Variants in DDX56 observed in about 807,000 individuals in gnomAD.
The protein encoded by DDX56 is probable ATP-dependent RNA helicase DDX56.
DDX56 carries 45 observed loss-of-function variants against 61.5 expected under a neutral mutation model. The observed-to-expected ratio is 0.73, with a 90% confidence interval of 0.58 to 0.94. DDX56 has a LOEUF of 0.94. Ranked by LOEUF, DDX56 falls within the 40% of genes least tolerant of loss-of-function variation. The pLI is 0.00. For missense variants in DDX56, 708 were observed against 690.7 expected (o/e 1.02, Z -0.28); for synonymous variants, 273 against 268.3 (o/e 1.02, Z -0.17).
chr7:44,572,807 T>C, intron 3 of DDX56, 63 bp from the exon 4 acceptor site: 1 of 1,606,060 alleles, frequency 6.2e-7, no homozygotes, highest in Non-Finnish European at 8.5e-7. Flanking sequence ...ACCCTGGATT[T>C]GCTCTCTTTT....
chr7:44,572,814 T>A (rs1260092992), intron 3 of DDX56, 70 bp from the exon 4 acceptor site: 1 of 1,603,444 alleles, frequency 6.2e-7, no homozygotes, highest in Non-Finnish European at 8.5e-7. Flanking sequence ...ATTTGCTCTC[T>A]TTTTTGCCAC....
intron 7 of DDX56, 127 bp downstream of exon 7, chr7:44,570,631 T>C: frequency 7.7e-7 from 1 of 1,295,976 alleles, no homozygotes; most frequent in Non-Finnish European, 1.1e-6. Context: ...TGGGGCTCTC[T>C]GGGCTACACT....
In DDX56 at chr7:44,573,043, G is replaced by A. The variant is rs748709769; in HGVS notation, c.230C>T (p.Pro77Leu). The A allele has an allele frequency of 3.8e-6, 6 of 1,578,480 alleles. No individual in the cohort carries two copies. The highest frequency in any genetic ancestry group is 1.2e-5 in the South Asian group (1 of 85,962). The change falls in exon 3 of 14, where the codon CCG (proline) becomes CTG (leucine). Residue 77 changes from proline (P) to leucine (L), a missense_variant. By Grantham distance (98) the Pro-to-Leu change is moderately conservative. Coordinates refer to ENST00000258772, the MANE Select transcript of DDX56 (RefSeq NM_019082.4). Reference sequence around the variant, plus strand: ...GCCTCTCACTGCCTGTTCTACCACCGGACCTGTCTGTAAGAATATGAATTA... The same window carrying A: ...GCCTCTCACTGCCTGTTCTACCACCAGACCTGTCTGTAAGAATATGAATTA... ...QLLLHRKATG[P>L]VVEQAVRGLV...
chr7:44,566,293 G>A (rs1390398278), intron 13 of DDX56, 155 bp downstream of exon 13: 2 of 794,976 alleles, frequency 2.5e-6, no homozygotes, highest in Non-Finnish European at 2.1e-6. Flanking sequence ...TCCCACACCA[G>A]ATTTTTGGGG....
intron 12 of DDX56, among the ~76,000 whole-genome samples, chr7:44,566,856 C>G (rs1018579719): frequency 1.3e-5 from 2 of 152,080 alleles, no homozygotes; most frequent in Admixed American, 1.3e-4. Flanking sequence ...TACAGGGGGC[C>G]CCGCATCCCA....
At position 44,572,447 on chromosome 7, in the gene DDX56, A is replaced by G; in HGVS notation, c.555-10T>C. 1 of 1,614,044 alleles carries G rather than the reference A, an allele frequency of 6.2e-7. No homozygotes were observed. The highest frequency in any genetic ancestry group is 8.5e-7 in the Non-Finnish European group (1 of 1,179,976). On this transcript the variant is annotated splice_polypyrimidine_tract_variant and intron_variant, in intron 4 of 13. Transcript: ENST00000258772. ...AATCCGGGGCAAGTGACTGAAATGA[A>G]AGAATCCAATCAGATTCCAGCTCCA... is the stretch of plus-strand genomic sequence containing the variant.
intron 12 of DDX56, among the ~76,000 whole-genome samples, chr7:44,567,400 C>T (rs979841971): frequency 5.3e-5 from 8 of 152,230 alleles, no homozygotes; most frequent in African/African-American, 1.9e-4. Context: ...CTCTCCACCA[C>T]TCTCCTCCTT....
chr7:44,569,038 C>T, intron 10 of DDX56, 46 bp from the exon 11 acceptor site: 1 of 1,611,800 alleles, frequency 6.2e-7, no homozygotes, highest in South Asian at 1.1e-5. Flanking sequence ...TGCCCCAAAT[C>T]CTCCCTTCAC....
In DDX56 at chr7:44,570,948, C is replaced by T. The variant is rs538830661; in HGVS notation, c.891-71G>A. On this transcript the variant is annotated intron_variant, in intron 6 of 13. Coordinates refer to ENST00000258772, the MANE Select transcript of DDX56 (RefSeq NM_019082.4). ...AAGGCCCCTCTGCCATCCCTAGTAT[C>T]ACAGTAACCATCACCCTTTCCTTTT... 12 of 1,533,318 alleles carry T rather than the reference C, an allele frequency of 7.8e-6. 1 individual carries two copies. In the South Asian group the frequency reaches 1.5e-4, roughly 19 times the overall value. The allele number at this position is 1,533,318 out of a possible 1,614,324, so 95.0% of individuals were successfully genotyped here. A position where few individuals can be genotyped will look rare whatever the true frequency, so the allele number is the denominator to read the frequency against.
rs1802516857 is a variant in DDX56, at chr7:44,565,916, G to A, written c.*86C>T. On this transcript the variant is annotated 3_prime_UTR_variant, in exon 14 of 14. Coordinates refer to ENST00000258772, the MANE Select transcript of DDX56 (RefSeq NM_019082.4). ...CCCCAGAACTGTCTGTTCAGGCTGT[G>A]CAGTAAGCACCAGAGCCTCGCCTGT... 9.6e-7 allele frequency: 1 copy of A among 1,045,034 alleles called. No homozygotes were observed. The highest frequency in any genetic ancestry group is 1.5e-6 in the Non-Finnish European group (1 of 678,940). The allele number at this position is 1,045,034 out of a possible 1,614,324, so 64.7% of individuals were successfully genotyped here.
chr7:44,571,442 T>G (rs765603828), intron 6 of DDX56, 50 bp downstream of exon 6: 3 of 1,606,930 alleles, frequency 1.9e-6, no homozygotes, highest in Non-Finnish European at 2.6e-6. Context: ...GGGTCCCCTT[T>G]CCATCTCTAT....
At position 44,571,558 on chromosome 7, in the gene DDX56, C is replaced by G. The variant is rs41279636; in HGVS notation, c.824G>C (p.Arg275Pro). 10 of 1,614,032 alleles carry G rather than the reference C, an allele frequency of 6.2e-6. No homozygotes were observed. In the East Asian group the frequency reaches 2.2e-4, roughly 36 times the overall value. Reference sequence around the variant, plus strand: ...GATGCTGAACTGTTCCAAGAACAGGCGTAGCCGGTAACTCCGTTCTAGAGT... The same window carrying G: ...GATGCTGAACTGTTCCAAGAACAGGGGTAGCCGGTAACTCCGTTCTAGAGT... The part of the protein sequence containing the change: ...VNTLERSYRL[R>P]LFLEQFSIPT... Residue 275 changes from arginine to proline, a missense_variant, in exon 6 of 14, where the codon CGC (arginine) becomes CCC (proline). Transcript: ENST00000258772.
chr7:44,568,240 G>A lies in DDX56; in HGVS notation c.1384-17C>T, dbSNP rs749179246. Reference sequence around the variant, plus strand: ...AAAGTATGTCTGCCGGGGGAAGAGGGAGAGCCACAGAGTGAGCATCTTTCT... The same window carrying A: ...AAAGTATGTCTGCCGGGGGAAGAGGAAGAGCCACAGAGTGAGCATCTTTCT... On this transcript the variant is annotated splice_polypyrimidine_tract_variant and intron_variant, in intron 11 of 13. Coordinates refer to ENST00000258772, the MANE Select transcript of DDX56 (RefSeq NM_019082.4). 1.9e-6 allele frequency: 3 copies of A among 1,555,802 alleles called. No homozygotes were observed. In the South Asian group the frequency reaches 3.4e-5, roughly 18 times the overall value.
At chr7:44,573,315 A>G (rs118187778) in intron 2 of DDX56, among the ~76,000 whole-genome samples, 3,352 of 152,344 alleles carry the variant, frequency 0.022, 85 homozygotes, top group Non-Finnish European at 0.024. Flanking sequence ...TAATTCTGTA[A>G]GTAGAAAAGA....
At position 44,568,228 on chromosome 7, in the gene DDX56, C is replaced by CG. The variant is rs1554291271; in HGVS notation, c.1384-6dup. ...AGGGTTGTCTTCAAAGTATGTCTGC[C>CG]GGGGGAAGAGGGAGAGCCACAGAGT... On this transcript the variant is annotated splice_polypyrimidine_tract_variant and splice_region_variant and intron_variant, in intron 11 of 13. Coordinates refer to ENST00000258772, the MANE Select transcript of DDX56 (RefSeq NM_019082.4). 1.9e-6 allele frequency: 3 copies of CG among 1,601,802 alleles called. No homozygotes were observed. Among genetic ancestry groups the CG allele is most frequent in the East Asian group, 4.5e-5 (2 of 44,644 alleles).
rs1220975148 is a variant in DDX56, at chr7:44,573,011, G to T, written c.262C>A (p.Leu88Ile). The T allele has an allele frequency of 6.2e-7, 1 of 1,607,730 alleles. No homozygotes were observed. Among genetic ancestry groups the T allele is most frequent in the Non-Finnish European group, 8.5e-7 (1 of 1,177,506 alleles). Residue 88 changes from leucine (L) to isoleucine (I), a missense_variant, in exon 3 of 14, where the codon CTT becomes ATT. Physicochemically the swap from Leu to Ile is conservative, Grantham distance 5. Transcript: ENST00000258772. ...CGTGCCAGCTCCTTGGTAGGAACAA[G>T]AACAAGGCCTCTCACTGCCTGTTCT... Reference protein sequence around the residue: ...VVEQAVRGLVLVPTKELARQA... With the variant: ...VVEQAVRGLVIVPTKELARQA...
At chr7:44,573,545 CT>C in intron 2 of DDX56, 37 bp downstream of exon 2, 1 of 1,602,482 alleles carries the variant, frequency 6.2e-7, no homozygotes, top group African/African-American at 1.3e-5. Context: ...GCTTTTGGAG[CT>C]TGCCTCCTTC....
At position 44,570,760 on chromosome 7, in the gene DDX56, G is replaced by T; in HGVS notation, c.1008C>A (p.Asp336Glu). Reference sequence around the variant, plus strand: ...TGGAAAAAGAGGCATGGACTCACTTGTCCCCTTTGGGCCCTCGGCCCCGAC... The same window carrying T: ...TGGAAAAAGAGGCATGGACTCACTTTTCCCCTTTGGGCCCTCGGCCCCGAC... ...GKRRGRGPKGDKASDPEAGVA... is the reference protein window; with the variant it reads ...GKRRGRGPKGEKASDPEAGVA... Residue 336 changes from aspartate (D) to glutamate (E), a missense_variant and splice_region_variant, in exon 7 of 14, where the codon GAC becomes GAA. Transcript: ENST00000258772. 6.2e-7 allele frequency: 1 copy of T among 1,608,404 alleles called. No individual in the cohort carries two copies. The highest frequency in any genetic ancestry group is 8.5e-7 in the Non-Finnish European group (1 of 1,177,060).
At chr7:44,566,675 G>A (rs920735135) in intron 12 of DDX56, 151 bp from the exon 13 acceptor site, 21 of 569,872 alleles carry the variant, frequency 3.7e-5, no homozygotes, top group South Asian at 2.4e-5. Context: ...AGGGCCAGGA[G>A]AATGTGAGCA....
Sources: gnomAD v4.1 joint callset for allele counts (sites outside exome capture counted in the v4.1 genomes callset) on GRCh38, gnomAD v4.1.1 for gene constraint, MANE v1.5 for transcripts, NCBI Gene and HGNC (gene_info 2026-07-23, HGNC 2026-07-21) for gene names.